The following TCF12 variants were observed in gnomAD, a reference collection of about 807,000 sequenced individuals.
The protein encoded by TCF12 is DNA-binding protein HTF4.
In TCF12, 45 loss-of-function variants were observed where a neutral mutation model predicts 86.0. That is an observed-to-expected ratio of 0.52 (90% CI 0.41 to 0.67). The LOEUF is 0.67. Ranked by LOEUF, TCF12 falls within the 30% of genes least tolerant of loss-of-function variation. The pLI is 0.00. For synonymous variants in TCF12, 330 were observed against 299.6 expected (o/e 1.10, Z -1.05); for missense variants, 881 against 859.9 (o/e 1.02, Z -0.31).
chr15:56,974,870 G>A (rs1304134772), intron 3 of TCF12, among the ~76,000 whole-genome samples: 1 of 151,974 alleles, frequency 6.6e-6, no homozygotes, highest in Admixed American at 6.5e-5. Context: ...GGTTAAATTT[G>A]TGTGGTAAGG....
intron 6 of TCF12, among the ~76,000 whole-genome samples, chr15:57,172,063 C>G (rs1396474352): frequency 6.6e-6 from 1 of 152,032 alleles, no homozygotes; most frequent in Non-Finnish European, 1.5e-5. Context: ...TTACTTAACT[C>G]TTAGTTGTTT....
chr15:56,998,372 G>C (rs984794240), intron 3 of TCF12, among the ~76,000 whole-genome samples: 15 of 150,392 alleles, frequency 1.0e-4, no homozygotes, highest in Non-Finnish European at 1.5e-4. Flanking sequence ...CACGAGAATT[G>C]CTTGAACCCA....
At chr15:57,253,607 C>A in intron 16 of TCF12, 139 bp downstream of exon 16, 1 of 971,032 alleles carries the variant, frequency 1.0e-6, no homozygotes, top group Non-Finnish European at 1.5e-6. Context: ...CTGTCTTTGG[C>A]AGTAAAGTAT....
chr15:57,178,102 A>T (rs2056084372), intron 6 of TCF12, among the ~76,000 whole-genome samples: 1 of 152,168 alleles, frequency 6.6e-6, no homozygotes, highest in Admixed American at 6.5e-5. Flanking sequence ...CTCAAAACAG[A>T]AAAAAGAGGT....
chr15:57,067,014 C>T (rs1055381386), intron 4 of TCF12, among the ~76,000 whole-genome samples: 17 of 152,150 alleles, frequency 1.1e-4, no homozygotes, highest in Non-Finnish European at 2.1e-4. Flanking sequence ...ATGTATTAAG[C>T]GGTCACAAAC....
chr15:57,216,819 G>A (rs1450292259), intron 8 of TCF12, among the ~76,000 whole-genome samples: 1 of 152,018 alleles, frequency 6.6e-6, no homozygotes, highest in African/African-American at 2.4e-5. Flanking sequence ...TGGGGGGTAA[G>A]GCAGACTTCA....
intron 4 of TCF12, among the ~76,000 whole-genome samples, chr15:57,074,705 G>T (rs1026623522): frequency 6.6e-6 from 1 of 152,166 alleles, no homozygotes; most frequent in Non-Finnish European, 1.5e-5. Context: ...CAGGTCTTGG[G>T]ATTTGGAGAT....
chr15:57,252,701 T>C (rs1282434036), intron 15 of TCF12, among the ~76,000 whole-genome samples: 3 of 152,204 alleles, frequency 2.0e-5, no homozygotes, highest in Non-Finnish European at 4.4e-5. Flanking sequence ...GCATGTGCTT[T>C]TGATTTTTTT....
chr15:57,028,963 A>G (rs1417164389), intron 3 of TCF12, among the ~76,000 whole-genome samples: 2 of 151,858 alleles, frequency 1.3e-5, no homozygotes, highest in East Asian at 3.9e-4. Context: ...ATGCCCAGCT[A>G]ATTTTTTATA....
chr15:56,922,454 A>C (rs1352433850), intron 3 of TCF12, among the ~76,000 whole-genome samples: 1 of 152,122 alleles, frequency 6.6e-6, no homozygotes, highest in East Asian at 1.9e-4. Flanking sequence ...CACTTTTTAA[A>C]CTTAAGAAGG....
intron 8 of TCF12, among the ~76,000 whole-genome samples, chr15:57,201,357 A>G (rs1212601927): frequency 1.3e-5 from 2 of 152,160 alleles, no homozygotes; most frequent in Admixed American, 1.3e-4. Context: ...ACCCTACTAT[A>G]GTGACTTCAG....
chr15:56,930,932 G>A (rs942449223), intron 3 of TCF12, among the ~76,000 whole-genome samples: 3 of 152,018 alleles, frequency 2.0e-5, no homozygotes, highest in Non-Finnish European at 2.9e-5. Context: ...GATTTGTAGC[G>A]TGTGACATAT....
intron 3 of TCF12, among the ~76,000 whole-genome samples, chr15:56,958,676 AGAGTGTGTGTGTGT>A (rs751550125): frequency 2.0e-3 from 182 of 92,592 alleles, no homozygotes; most frequent in East Asian, 8.0e-3. Context: ...AGAGAGAGAG[AGAGTGTGTGTGTGT>A]GTGTGTGTGT....
At chr15:56,927,717 TTTTGTGCCTACAAG>T (rs2060077679) in intron 3 of TCF12, among the ~76,000 whole-genome samples, 2 of 152,210 alleles carry the variant, frequency 1.3e-5, no homozygotes, top group Admixed American at 1.3e-4. Flanking sequence ...AAATTTTGTT[TTTTGTGCCTACAAG>T]TTAATAATTA....
chr15:57,203,289 A>T (rs2057646554), intron 8 of TCF12, among the ~76,000 whole-genome samples: 1 of 152,172 alleles, frequency 6.6e-6, no homozygotes, highest in Non-Finnish European at 1.5e-5. Flanking sequence ...TCACTCGTTG[A>T]ACATCTTTAT....
rs2152131130 is a variant in TCF12 at position 57,281,642 on chromosome 15, C to T, written c.1979-803C>T. The T allele has an allele frequency of 2.0e-5, 3 of 152,306 alleles. 1 individual carries two copies. The highest frequency in any genetic ancestry group is 2.0e-4 in the Admixed American group (3 of 15,300). The allele number at this position is 152,306 out of a possible 1,614,324, so 9.4% of individuals were successfully genotyped here. On this transcript the variant is annotated intron_variant, in intron 19 of 20. Coordinates refer to ENST00000333725, the MANE Select transcript of TCF12 (RefSeq NM_207037.2). The stretch of plus-strand genomic sequence containing the variant: ...TTAGATTCTCATAGGAGCATGAACC[C>T]TATTGTGAACTACATATGCAAGGGA...
At chr15:57,059,249 T>C (rs2068263390) in intron 3 of TCF12, among the ~76,000 whole-genome samples, 1 of 152,016 alleles carries the variant, frequency 6.6e-6, no homozygotes, top group East Asian at 1.9e-4. Flanking sequence ...AAGAGAGAAA[T>C]GTGTATGTGA....
At chr15:57,025,142 C>T (rs906683641) in intron 3 of TCF12, among the ~76,000 whole-genome samples, 3 of 151,916 alleles carry the variant, frequency 2.0e-5, no homozygotes, top group Non-Finnish European at 2.9e-5. Flanking sequence ...TGCAGTGGCA[C>T]GATCGCAGCT....
intron 3 of TCF12, among the ~76,000 whole-genome samples, chr15:56,965,537 T>A (rs1233237596): frequency 6.6e-6 from 1 of 152,208 alleles, no homozygotes; most frequent in Non-Finnish European, 1.5e-5. Context: ...ATTTTTTTCA[T>A]CCTGTTTGGA....
Sources: allele counts gnomAD v4.1 joint callset (sites outside exome capture counted in the v4.1 genomes callset), GRCh38; gene constraint gnomAD v4.1.1; transcripts MANE v1.5; gene names NCBI Gene and HGNC (gene_info 2026-07-23, HGNC 2026-07-21).